RSU1: variants seen among roughly 807,000 people sequenced by gnomAD.
RSU1 encodes Ras suppressor protein 1.
Under a neutral mutation model 31.1 loss-of-function variants are expected in RSU1, and 26 were observed. The ratio of observed to expected loss-of-function variants is 0.84; its 90% CI spans 0.61 to 1.16. The LOEUF (loss-of-function observed/expected upper bound fraction) is 1.16. Ranked by LOEUF, RSU1 falls within the 50% of genes most tolerant of loss-of-function variation. RSU1 has a pLI of 0.00. For synonymous variants in RSU1, 164 were observed against 136.3 expected (o/e 1.20, Z -1.41); for missense variants, 320 against 339.1 (o/e 0.94, Z 0.44).
At chr10:16,727,677 G>A (rs552539615) in intron 7 of RSU1, among the ~76,000 whole-genome samples, 1 of 152,230 alleles carries the variant, frequency 6.6e-6, no homozygotes, top group East Asian at 1.9e-4. Flanking sequence ...GTGATGACAT[G>A]AGTAAACAGT....
intron 7 of RSU1, among the ~76,000 whole-genome samples, chr10:16,733,977 A>G (rs1836574530): frequency 6.6e-6 from 1 of 152,156 alleles, no homozygotes; most frequent in South Asian, 2.1e-4. Context: ...TTTAACACTA[A>G]CCATTGATCT....
chr10:16,794,471 T>G (rs1837985389), intron 2 of RSU1, among the ~76,000 whole-genome samples: 1 of 152,224 alleles, frequency 6.6e-6, no homozygotes, highest in South Asian at 2.1e-4. Context: ...TTTAGCTTGT[T>G]TGTATTGACT....
intron 4 of RSU1, among the ~76,000 whole-genome samples, chr10:16,759,689 T>C (rs1480387530): frequency 6.6e-6 from 1 of 152,234 alleles, no homozygotes; most frequent in African/African-American, 2.4e-5. Flanking sequence ...TGGATAATTG[T>C]TGAAGCCACA....
At chr10:16,802,404 G>A (rs150536000) in intron 2 of RSU1, among the ~76,000 whole-genome samples, 89 of 152,098 alleles carry the variant, frequency 5.9e-4, no homozygotes, top group Middle Eastern at 3.4e-3. Flanking sequence ...GTGGGCCTAC[G>A]TCTATTAAAG....
intron 8 of RSU1, among the ~76,000 whole-genome samples, chr10:16,631,402 G>T (rs1296606567): frequency 6.6e-6 from 1 of 152,166 alleles, no homozygotes. Context: ...GTCCAGCGGT[G>T]GCCACCATCA....
chr10:16,610,902 T>C (rs1833881716), intron 8 of RSU1, among the ~76,000 whole-genome samples: 3 of 152,210 alleles, frequency 2.0e-5, no homozygotes, highest in African/African-American at 7.2e-5. Context: ...GAGTCCCGTT[T>C]ACCTAGAGAT....
At chr10:16,620,705 T>C (rs774189754) in intron 8 of RSU1, among the ~76,000 whole-genome samples, 2 of 151,644 alleles carry the variant, frequency 1.3e-5, no homozygotes, top group Admixed American at 6.6e-5. Context: ...ATTAGCTGGG[T>C]GTGGTGATGG....
At chr10:16,743,788 T>G (rs1028174937) in intron 7 of RSU1, among the ~76,000 whole-genome samples, 78 of 152,166 alleles carry the variant, frequency 5.1e-4, no homozygotes, top group African/African-American at 1.8e-3. Flanking sequence ...TGGAGTCTGC[T>G]TATTCTAGAC....
chr10:16,604,314 C>G (rs1833762907), intron 8 of RSU1, among the ~76,000 whole-genome samples: 1 of 152,142 alleles, frequency 6.6e-6, no homozygotes, highest in Non-Finnish European at 1.5e-5. Context: ...ATAAGCAGAC[C>G]AGGGATATCA....
rs151129418 is a variant in RSU1, at chr10:16,601,795, C to A, written c.732-8299G>T. Among the ~76,000 whole-genome samples, 393 of 152,264 alleles carry A rather than the reference C, an allele frequency of 2.6e-3. 7 individuals are homozygous for A. Among genetic ancestry groups the A allele is most frequent in the Admixed American group, 0.017 (258 of 15,280 alleles). On this transcript the variant is annotated intron_variant, in intron 8 of 8. Transcript: ENST00000345264. The stretch of plus-strand genomic sequence containing the variant: ...AAGGTAAGGCTGGGCTTGAGGCAGG[C>A]AGGGCAGAGTGCAGGAAAGATGGAG...
intron 7 of RSU1, among the ~76,000 whole-genome samples, chr10:16,731,055 G>A (rs1028230236): frequency 6.6e-6 from 1 of 152,086 alleles, no homozygotes; most frequent in Non-Finnish European, 1.5e-5. Flanking sequence ...AACTCCTGAT[G>A]CACCTGCCTT....
intron 3 of RSU1, among the ~76,000 whole-genome samples, chr10:16,777,606 A>T (rs925835456): frequency 1.3e-5 from 2 of 152,354 alleles, no homozygotes; most frequent in Admixed American, 6.5e-5. Context: ...GAGGAGACAT[A>T]TGTGTCTCAA....
At chr10:16,680,992 T>C (rs928506748) in intron 8 of RSU1, among the ~76,000 whole-genome samples, 1 of 152,176 alleles carries the variant, frequency 6.6e-6, no homozygotes, top group African/African-American at 2.4e-5. Context: ...AGGCTTAACA[T>C]TGGGAAATGA....
intron 7 of RSU1, among the ~76,000 whole-genome samples, chr10:16,747,365 C>A (rs763467836): frequency 2.0e-5 from 3 of 152,164 alleles, no homozygotes; most frequent in Non-Finnish European, 2.9e-5. Context: ...CTCAATGAGA[C>A]ACCCTTAAGG....
intron 8 of RSU1, among the ~76,000 whole-genome samples, chr10:16,641,504 A>AG (rs1834441922): frequency 1.3e-5 from 2 of 150,290 alleles, no homozygotes; most frequent in Non-Finnish European, 3.0e-5. Context: ...AAAAAAAAAA[A>AG]AAAATTAAAA....
intron 7 of RSU1, among the ~76,000 whole-genome samples, chr10:16,722,902 A>G (rs1836302614): frequency 6.8e-6 from 1 of 147,290 alleles, no homozygotes. Flanking sequence ...ATGTATATAT[A>G]CACACATATA....
At chr10:16,762,175 A>T (rs1303105860) in intron 4 of RSU1, among the ~76,000 whole-genome samples, 3 of 152,156 alleles carry the variant, frequency 2.0e-5, no homozygotes, top group Non-Finnish European at 4.4e-5. Flanking sequence ...TAGAATAGTC[A>T]CTTACATAGT....
intron 4 of RSU1, among the ~76,000 whole-genome samples, chr10:16,763,530 G>GC (rs1205244393): frequency 6.6e-6 from 1 of 152,022 alleles, no homozygotes; most frequent in Non-Finnish European, 1.5e-5. Context: ...GGAGAGCTCC[G>GC]CCCCCAGGAT....
chr10:16,710,827 C>T (rs115903467), intron 7 of RSU1, among the ~76,000 whole-genome samples: 1,817 of 152,184 alleles, frequency 0.012, 39 homozygotes, highest in East Asian at 0.059. Flanking sequence ...ACCCCCTACC[C>T]GCCGACAGGT....
Sources: allele counts gnomAD v4.1 joint callset (sites outside exome capture counted in the v4.1 genomes callset), GRCh38; gene constraint gnomAD v4.1.1; transcripts MANE v1.5; gene names NCBI Gene and HGNC (gene_info 2026-07-23, HGNC 2026-07-21).